LYPLAL1: variants seen among roughly 807,000 people sequenced by gnomAD.
The protein encoded by LYPLAL1 is lysophospholipase-like protein 1.
Under a neutral mutation model 19.7 loss-of-function variants are expected in LYPLAL1, and 23 were observed. The ratio of observed to expected loss-of-function variants is 1.17; its 90% CI spans 0.84 to 1.65. The LOEUF (loss-of-function observed/expected upper bound fraction) is 1.65, where lower values mean the gene tolerates loss of function less well. LYPLAL1 is among the 40% of genes most tolerant of loss of function. The pLI is 0.00. For synonymous variants in LYPLAL1, 119 were observed against 96.3 expected (o/e 1.24, Z -1.38); for missense variants, 355 against 279.4 (o/e 1.27, Z -1.93).
the LYPLAL1 span, among the ~76,000 whole-genome samples, chr1:219,350,070 G>C: frequency 3.2e-4 from 49 of 152,274 alleles, no homozygotes; most frequent in African/African-American, 1.2e-3. Flanking sequence ...TTCCAAAGCA[G>C]AATTTTAACC....
At chr1:219,234,081 T>A in the LYPLAL1 span, among the ~76,000 whole-genome samples, 1 of 152,168 alleles carries the variant, frequency 6.6e-6, no homozygotes, top group Non-Finnish European at 1.5e-5. Flanking sequence ...TTGGGCCAAG[T>A]TCATTAAACA....
the LYPLAL1 span, among the ~76,000 whole-genome samples, chr1:219,283,676 C>CA: frequency 2.7e-5 from 4 of 150,616 alleles, no homozygotes; most frequent in South Asian, 2.1e-4. Context: ...AGAGGAAAGG[C>CA]AAAAAAAAAT....
the LYPLAL1 span, among the ~76,000 whole-genome samples, chr1:219,401,396 T>C: frequency 3.8e-4 from 54 of 144,000 alleles, no homozygotes; most frequent in African/African-American, 1.2e-3. Context: ...AACATATTCA[T>C]TCATGTGTTA....
At chr1:219,411,835 G>A in the LYPLAL1 span, 2 of 166,718 alleles carry the variant, frequency 1.2e-5, no homozygotes, top group African/African-American at 2.4e-5. Context: ...CACCTTAAGA[G>A]CTGTAACACT....
chr1:219,257,521 A>G, the LYPLAL1 span, among the ~76,000 whole-genome samples: 28 of 151,994 alleles, frequency 1.8e-4, no homozygotes, highest in African/African-American at 6.8e-4. Context: ...CAGGGGAGAC[A>G]TCACATATCG....
the LYPLAL1 span, among the ~76,000 whole-genome samples, chr1:219,424,093 C>A: frequency 6.6e-6 from 1 of 150,580 alleles, no homozygotes; most frequent in South Asian, 2.1e-4. Context: ...TAATTAAGAT[C>A]ACTGTATATT....
chr1:219,207,878 A>G (rs1201914650), intron 3 of LYPLAL1, among the ~76,000 whole-genome samples: 2 of 152,084 alleles, frequency 1.3e-5, no homozygotes, highest in African/African-American at 2.4e-5. Flanking sequence ...GCCTTGCTAC[A>G]GAGAAACTGT....
the LYPLAL1 span, among the ~76,000 whole-genome samples, chr1:219,296,633 T>G: frequency 6.6e-6 from 1 of 152,108 alleles, no homozygotes; most frequent in East Asian, 1.9e-4. Context: ...CTTTTATGAG[T>G]CACTTTTTTA....
chr1:219,298,071 A>C, the LYPLAL1 span, among the ~76,000 whole-genome samples: 1 of 152,146 alleles, frequency 6.6e-6, no homozygotes, highest in East Asian at 1.9e-4. Context: ...GCATTTTGGG[A>C]GGCTAAGTGG....
the LYPLAL1 span, among the ~76,000 whole-genome samples, chr1:219,281,665 G>C: frequency 1.3e-5 from 2 of 150,044 alleles, no homozygotes; most frequent in African/African-American, 4.9e-5. Context: ...AACCAAACAG[G>C]GGAGAAGTCT....
At chr1:219,189,180 G>C (rs1444982671) in intron 2 of LYPLAL1, among the ~76,000 whole-genome samples, 1 of 151,588 alleles carries the variant, frequency 6.6e-6, no homozygotes, top group Non-Finnish European at 1.5e-5. Context: ...TAATGGCTGA[G>C]TTCCCAGAAT....
the LYPLAL1 span, among the ~76,000 whole-genome samples, chr1:219,395,651 G>A: frequency 2.0e-5 from 3 of 152,176 alleles, no homozygotes; most frequent in African/African-American, 7.2e-5. Flanking sequence ...TTTTGCTTTT[G>A]TTGCAATTGC....
At chr1:219,339,884 T>G in the LYPLAL1 span, among the ~76,000 whole-genome samples, 1 of 151,990 alleles carries the variant, frequency 6.6e-6, no homozygotes, top group Non-Finnish European at 1.5e-5. Context: ...AACCAAAAAC[T>G]CCACAGCATT....
the LYPLAL1 span, among the ~76,000 whole-genome samples, chr1:219,369,072 A>G: frequency 1.3e-5 from 2 of 152,370 alleles, no homozygotes; most frequent in South Asian, 2.1e-4. Context: ...AAATGGGATG[A>G]TATCTTTTAA....
the LYPLAL1 span, among the ~76,000 whole-genome samples, chr1:219,371,375 G>T: frequency 2.0e-5 from 3 of 152,266 alleles, no homozygotes; most frequent in East Asian, 5.8e-4. Context: ...TTGCCCTCCT[G>T]GGGGGTCAGG....
chr1:219,403,236 T>C, the LYPLAL1 span, among the ~76,000 whole-genome samples: 1 of 152,128 alleles, frequency 6.6e-6, no homozygotes, highest in African/African-American at 2.4e-5. Context: ...TGAAGAGAAG[T>C]AGTCCTTGCC....
At chr1:219,191,559 T>C (rs1255211932) in intron 2 of LYPLAL1, among the ~76,000 whole-genome samples, 3 of 151,612 alleles carry the variant, frequency 2.0e-5, no homozygotes, top group Non-Finnish European at 4.4e-5. Context: ...AAATAGCCTG[T>C]AAATATGCAT....
chr1:219,184,161 A>T (rs1196405951), intron 2 of LYPLAL1, among the ~76,000 whole-genome samples: 1 of 151,904 alleles, frequency 6.6e-6, no homozygotes, highest in Admixed American at 6.6e-5. Context: ...ATGCCTTCTA[A>T]TACATACACA....
the LYPLAL1 span, among the ~76,000 whole-genome samples, chr1:219,266,357 A>G: frequency 1.3e-5 from 2 of 152,202 alleles, no homozygotes; most frequent in African/African-American, 2.4e-5. Context: ...GATCAGGGTC[A>G]TCAATATCAC....
Sources: gnomAD v4.1 joint callset for allele counts (sites outside exome capture counted in the v4.1 genomes callset) on GRCh38, gnomAD v4.1.1 for gene constraint, MANE v1.5 for transcripts, NCBI Gene and HGNC (gene_info 2026-07-23, HGNC 2026-07-21) for gene names.